HGF: variants seen among roughly 807,000 people sequenced by gnomAD.
HGF encodes hepatocyte growth factor.
In HGF, 39 loss-of-function variants were observed where a neutral mutation model predicts 111.6. The observed-to-expected ratio is 0.35, with a 90% confidence interval of 0.27 to 0.46. HGF has a LOEUF of 0.46. Among genes scored for constraint, HGF ranks in the 20% least tolerant of loss-of-function variants. The pLI is 1.00. For missense variants in HGF, 735 were observed against 910.5 expected, an observed-to-expected ratio of 0.81 and a Z score of 2.48; for synonymous variants, 285 against 294.8, an observed-to-expected ratio of 0.97 and a Z score of 0.34.
At chr7:81,754,137 G>A (rs886308462) in intron 4 of HGF, among the ~76,000 whole-genome samples, 6 of 151,880 alleles carry the variant, frequency 4.0e-5, no homozygotes, top group African/African-American at 9.7e-5. Flanking sequence ...AAACCCATAC[G>A]GTTGCCCCAT....
chr7:81,708,384 C>T (rs1324732409), intron 13 of HGF, among the ~76,000 whole-genome samples: 2 of 151,928 alleles, frequency 1.3e-5, no homozygotes, highest in Non-Finnish European at 2.9e-5. Flanking sequence ...AAAGCAGTAT[C>T]CTTGTGAATT....
At position 81,744,889 on chromosome 7, in the gene HGF, C is replaced by T; in HGVS notation, c.746+111G>A. 9 of 1,186,584 alleles carry T rather than the reference C, an allele frequency of 7.6e-6. No homozygotes were observed. The South Asian group carries it at 1.0e-4, about 13-fold the overall frequency. 73.5% of individuals were successfully genotyped at this position (1,186,584 alleles called of 1,614,324 possible). A position where few individuals can be genotyped will look rare whatever the true frequency, so the allele number is the denominator to read the frequency against. On this transcript the variant is annotated intron_variant, in intron 6 of 17. Transcript: ENST00000222390. ...TTCTGGGAGTTCTAAATGTTATGTT[C>T]ATGTCCTATCGGGAAAACATAATAT...
chr7:81,769,915 G>T lies in HGF; in HGVS notation c.57C>A (p.Leu19=). Residue 19 remains leucine (L), a synonymous_variant, in exon 1 of 18, where the codon CTC becomes CTA. Transcript: ENST00000222390. The part of the protein sequence containing the change: ...ALLLQHVLLH[L]LLLPIAIPYA... Reference sequence around the variant, plus strand: ...AGGGGATGGCGATGGGGAGCAGGAGGAGATGCAGGAGGACATGCTGCAGCA... The same window carrying T: ...AGGGGATGGCGATGGGGAGCAGGAGTAGATGCAGGAGGACATGCTGCAGCA... 1 of 1,569,404 alleles carries T rather than the reference G, an allele frequency of 6.4e-7. No homozygotes were observed. Among genetic ancestry groups the T allele is most frequent in the Non-Finnish European group, 8.6e-7 (1 of 1,156,252 alleles).
chr7:81,707,644 A>C (rs1789463978), intron 13 of HGF, among the ~76,000 whole-genome samples: 1 of 152,154 alleles, frequency 6.6e-6, no homozygotes, highest in Non-Finnish European at 1.5e-5. Context: ...CATCCCGAAC[A>C]CACATATTCG....
rs1178538556 is a variant in HGF at position 81,706,387 on chromosome 7, C to T, written c.1657G>A (p.Val553Ile). ...DYEAWLGIHD[V>I]HGRGDEKCKQ... is the part of the protein sequence containing the mutation. ...CATTTCTCATCTCCTCTTCCGTGGA[C>T]ATCATGAATTCCAAGCCAAGCTTCA... is the stretch of plus-strand genomic sequence containing the variant. The change falls in exon 15 of 18, where the codon GTC becomes ATC. Residue 553 changes from valine (V) to isoleucine (I), a missense_variant. Coordinates refer to ENST00000222390, the MANE Select transcript of HGF (RefSeq NM_000601.6). The T allele has an allele frequency of 1.9e-6, 3 of 1,612,200 alleles. No individual in the cohort carries two copies. Among genetic ancestry groups the T allele is most frequent in the Non-Finnish European group, 2.5e-6 (3 of 1,178,528 alleles).
At chr7:81,736,894 G>GGGGTGTGTGTGTGT (rs1554369032) in intron 7 of HGF, among the ~76,000 whole-genome samples, 186 of 142,052 alleles carry the variant, frequency 1.3e-3, no homozygotes, top group African/African-American at 4.4e-3. Flanking sequence ...TGTGTAGAGG[G>GGGGTGTGTGTGTGT]GTGTGTGTGT....
At chr7:81,710,791 A>C (rs2115802391) in intron 12 of HGF, among the ~76,000 whole-genome samples, 1 of 151,722 alleles carries the variant, frequency 6.6e-6, no homozygotes, top group African/African-American at 2.4e-5. Flanking sequence ...ACATAATATA[A>C]AATTTATTGG....
At chr7:81,707,607 A>G (rs910096830) in intron 13 of HGF, among the ~76,000 whole-genome samples, 1 of 152,142 alleles carries the variant, frequency 6.6e-6, no homozygotes, top group Non-Finnish European at 1.5e-5. Flanking sequence ...ACTTTTGTGT[A>G]GTCTAAAGTT....
At chr7:81,755,941 T>C (rs1183292059) in intron 4 of HGF, 1 of 693,568 alleles carries the variant, frequency 1.4e-6, no homozygotes, top group East Asian at 2.7e-5. Flanking sequence ...CAACAAACTC[T>C]TTTTCTTTCT....
At chr7:81,744,248 C>T (rs1788130831) in intron 6 of HGF, among the ~76,000 whole-genome samples, 1 of 150,442 alleles carries the variant, frequency 6.6e-6, no homozygotes, top group Admixed American at 6.6e-5. Flanking sequence ...GAACTTCTTC[C>T]TTTTTTTTCC....
intron 14 of HGF, 139 bp from the exon 15 acceptor site, chr7:81,706,566 A>C: frequency 1.5e-6 from 1 of 681,936 alleles, no homozygotes; most frequent in Non-Finnish European, 2.5e-6. Context: ...ATAAAGAACA[A>C]CACATTTGTT....
chr7:81,720,603 TGTAAA>T, intron 10 of HGF, 137 bp downstream of exon 10: 1 of 647,710 alleles, frequency 1.5e-6, no homozygotes, highest in South Asian at 1.8e-5. Context: ...TATGATGAGT[TGTAAA>T]GAAAAACCAA....
chr7:81,736,960 T>C (rs1408362553), intron 7 of HGF, among the ~76,000 whole-genome samples: 1 of 150,254 alleles, frequency 6.7e-6, no homozygotes, highest in African/African-American at 2.4e-5. Flanking sequence ...GATATACTTT[T>C]GAAAACATTC....
intron 6 of HGF, among the ~76,000 whole-genome samples, chr7:81,744,383 C>G (rs1247991503): frequency 6.6e-6 from 1 of 151,142 alleles, no homozygotes; most frequent in Non-Finnish European, 1.5e-5. Flanking sequence ...AGATTAGTTG[C>G]CTGACTTCTC....
At chr7:81,764,154 C>A (rs1006880637) in intron 1 of HGF, among the ~76,000 whole-genome samples, 1 of 152,210 alleles carries the variant, frequency 6.6e-6, no homozygotes, top group African/African-American at 2.4e-5. Flanking sequence ...TTTGGAAATA[C>A]AACTAGCAGA....
intron 5 of HGF, 173 bp downstream of exon 5, chr7:81,751,947 A>G: frequency 7.0e-7 from 1 of 1,425,276 alleles, no homozygotes; most frequent in African/African-American, 1.4e-5. Flanking sequence ...TCTGGTGATA[A>G]TCCAACAGTT....
intron 11 of HGF, among the ~76,000 whole-genome samples, chr7:81,714,741 G>T (rs1405726438): frequency 1.3e-5 from 2 of 151,916 alleles, no homozygotes; most frequent in African/African-American, 4.8e-5. Flanking sequence ...TTTTGTAAAA[G>T]AATTTTACAG....
rs3081099 is a variant in HGF at position 81,708,524 on chromosome 7, CTTTTTT to C, written c.1542-1166_1542-1161del. Among the ~76,000 whole-genome samples, 15 of 72,486 alleles carry C rather than the reference CTTTTTT, an allele frequency of 2.1e-4. No individual in the cohort carries two copies. In the South Asian group the frequency reaches 4.9e-3, roughly 23 times the overall value. 47.6% of individuals were successfully genotyped at this position (72,486 alleles called of 152,430 possible). ...TTGAAAGATTTCTCCTTCCTTCCTT[CTTTTTT>C]TTTTTTTTTTTTTTTTTTTTTTGAG... On this transcript the variant is annotated intron_variant, in intron 13 of 17. Transcript: ENST00000222390.
chr7:81,717,295 G>A lies in HGF; in HGVS notation c.1342C>T (p.His448Tyr). ...NYCRNPDDDA[H>Y]GPWCYTGNPL... ...TTTCCCGTGTAGCACCAGGGTCCAT[G>A]AGCATCATCATCTGGATTTCGGCAG... The change falls in exon 11 of 18, where the codon CAT becomes TAT. Residue 448 changes from histidine (H) to tyrosine (Y), a missense_variant. This residue lies in a region of HGF where 553 missense variants were observed against 685.6 expected (regional missense o/e 0.81). Coordinates refer to ENST00000222390, the MANE Select transcript of HGF (RefSeq NM_000601.6). 4 of 1,613,318 alleles carry A rather than the reference G, an allele frequency of 2.5e-6. No homozygotes were observed. Among genetic ancestry groups the A allele is most frequent in the Non-Finnish European group, 2.5e-6 (3 of 1,179,312 alleles).
Sources: allele counts gnomAD v4.1 joint callset (sites outside exome capture counted in the v4.1 genomes callset), GRCh38; gene constraint gnomAD v4.1.1; regional missense constraint gnomAD v4.1.1; transcripts MANE v1.5; gene names NCBI Gene and HGNC (gene_info 2026-07-23, HGNC 2026-07-21).